Variants in CFAP299 observed in about 807,000 individuals in gnomAD.
CFAP299 encodes the protein cilia and flagella associated protein 299.
A neutral mutation model predicts 27.0 loss-of-function variants in CFAP299; 21 were observed. That is an observed-to-expected ratio of 0.78 (90% CI 0.55 to 1.12). The LOEUF is 1.12. Ranked by LOEUF, CFAP299 falls within the 50% of genes most tolerant of loss-of-function variation. The probability of loss-of-function intolerance (pLI) is 0.00; values close to 1 mark genes in which losing one functional copy is unlikely to be tolerated. For missense variants in CFAP299, 310 were observed against 276.6 expected, an observed-to-expected ratio of 1.12 and a Z score of -0.86; for synonymous variants, 104 against 98.1, an observed-to-expected ratio of 1.06 and a Z score of -0.36.
At chr4:80,835,166 C>G (rs9884729) in intron 3 of CFAP299, among the ~76,000 whole-genome samples, 152,272 of 152,274 alleles carry the variant, frequency 1, 76,135 homozygotes, top group Non-Finnish European at 1. Context: ...GCCCAGGCTG[C>G]AGTGCAGTGG....
intron 1 of CFAP299, among the ~76,000 whole-genome samples, chr4:80,336,377 A>T (rs957863114): frequency 6.6e-6 from 1 of 152,136 alleles, no homozygotes; most frequent in Non-Finnish European, 1.5e-5. Flanking sequence ...CCTCACACTA[A>T]TTGATTCTGA....
At chr4:80,322,097 A>G in the CFAP299 span, among the ~76,000 whole-genome samples, 1 of 152,168 alleles carries the variant, frequency 6.6e-6, no homozygotes, top group Non-Finnish European at 1.5e-5. Context: ...ATTGTGACTG[A>G]CCAATAGGGA....
At chr4:80,436,781 G>C (rs1438973166) in intron 2 of CFAP299, among the ~76,000 whole-genome samples, 1 of 152,166 alleles carries the variant, frequency 6.6e-6, no homozygotes, top group Non-Finnish European at 1.5e-5. Flanking sequence ...TTGTGCAGCA[G>C]AGCTGTCTTT....
chr4:80,882,718 A>G (rs1205085459), intron 4 of CFAP299, among the ~76,000 whole-genome samples: 1 of 152,208 alleles, frequency 6.6e-6, no homozygotes, highest in Admixed American at 6.5e-5. Flanking sequence ...GACTATAAGT[A>G]TACCTCTCAG....
chr4:80,817,504 C>G (rs1469704356), intron 3 of CFAP299, among the ~76,000 whole-genome samples: 13 of 151,968 alleles, frequency 8.6e-5, no homozygotes, highest in Admixed American at 7.9e-4. Flanking sequence ...CCCTTGGTCC[C>G]TTATGTCATC....
At chr4:80,818,833 CTAAACAGA>C (rs2110122508) in intron 3 of CFAP299, among the ~76,000 whole-genome samples, 1 of 152,164 alleles carries the variant, frequency 6.6e-6, no homozygotes, top group Non-Finnish European at 1.5e-5. Context: ...TTAGAGTCTA[CTAAACAGA>C]ATACTTAAGC....
chr4:80,468,521 G>A (rs1729823464), intron 2 of CFAP299, among the ~76,000 whole-genome samples: 1 of 151,986 alleles, frequency 6.6e-6, no homozygotes, highest in African/African-American at 2.4e-5. Context: ...ACTGCACCTG[G>A]CCTATAATGT....
intron 2 of CFAP299, among the ~76,000 whole-genome samples, chr4:80,380,542 C>G (rs1724651226): frequency 1.3e-5 from 2 of 151,354 alleles, no homozygotes; most frequent in Non-Finnish European, 2.9e-5. Flanking sequence ...ATTCTCCTGC[C>G]TCAGCCTCCC....
intron 3 of CFAP299, among the ~76,000 whole-genome samples, chr4:80,638,556 G>T (rs1739569581): frequency 6.6e-6 from 1 of 152,120 alleles, no homozygotes; most frequent in South Asian, 2.1e-4. Context: ...TTAAAACACG[G>T]AGTCCAACAC....
chr4:80,778,898 T>C (rs1726712712), intron 3 of CFAP299, among the ~76,000 whole-genome samples: 1 of 152,132 alleles, frequency 6.6e-6, no homozygotes, highest in Non-Finnish European at 1.5e-5. Flanking sequence ...TTTTTAGTTC[T>C]ATGCAATTTT....
intron 1 of CFAP299, among the ~76,000 whole-genome samples, chr4:80,350,969 G>T (rs1722987249): frequency 6.6e-6 from 1 of 151,890 alleles, no homozygotes; most frequent in Admixed American, 6.6e-5. Context: ...TAAAAAAAAA[G>T]AAACAATGCA....
At chr4:80,475,323 C>T (rs772162154) in intron 2 of CFAP299, among the ~76,000 whole-genome samples, 40 of 152,128 alleles carry the variant, frequency 2.6e-4, no homozygotes, top group Admixed American at 8.5e-4. Flanking sequence ...GACCAGTTAC[C>T]GGATACTGTA....
chr4:80,559,792 A>G (rs1412103259), intron 2 of CFAP299, among the ~76,000 whole-genome samples: 2 of 152,202 alleles, frequency 1.3e-5, no homozygotes, highest in Non-Finnish European at 1.5e-5. Context: ...AGCCCTAGCC[A>G]GAACAGAATT....
At chr4:80,662,546 A>T (rs890687864) in intron 3 of CFAP299, among the ~76,000 whole-genome samples, 1 of 152,150 alleles carries the variant, frequency 6.6e-6, no homozygotes, top group African/African-American at 2.4e-5. Context: ...ACAGCAGTGG[A>T]GGGTTAAAGC....
intron 2 of CFAP299, among the ~76,000 whole-genome samples, chr4:80,527,495 A>G (rs1041186473): frequency 1.3e-5 from 2 of 152,112 alleles, no homozygotes; most frequent in African/African-American, 4.8e-5. Flanking sequence ...CCCTTTTCTA[A>G]AAGCTCCTAA....
intron 2 of CFAP299, among the ~76,000 whole-genome samples, chr4:80,546,599 G>A (rs1734239478): frequency 6.6e-6 from 1 of 152,142 alleles, no homozygotes; most frequent in African/African-American, 2.4e-5. Flanking sequence ...CCTGGTGGGA[G>A]GTATTTGGGT....
intron 4 of CFAP299, among the ~76,000 whole-genome samples, chr4:80,937,005 A>G (rs1560484056): frequency 6.6e-6 from 1 of 151,576 alleles, no homozygotes. Context: ...TATTTTATTC[A>G]TTTTCTGGCT....
At chr4:80,904,262 C>T (rs1377233446) in intron 4 of CFAP299, among the ~76,000 whole-genome samples, 1 of 152,132 alleles carries the variant, frequency 6.6e-6, no homozygotes, top group East Asian at 1.9e-4. Context: ...AGCAGTGCTT[C>T]CTTAAAATGG....
chr4:80,579,458 G>T (rs1414733139), intron 2 of CFAP299, among the ~76,000 whole-genome samples: 1 of 152,106 alleles, frequency 6.6e-6, no homozygotes, highest in Non-Finnish European at 1.5e-5. Flanking sequence ...GTCTGCCATA[G>T]TTAAGTGTCC....
Sources: gnomAD v4.1 joint callset for allele counts (sites outside exome capture counted in the v4.1 genomes callset) on GRCh38, gnomAD v4.1.1 for gene constraint, MANE v1.5 for transcripts, NCBI Gene and HGNC (gene_info 2026-07-23, HGNC 2026-07-21) for gene names.